Variants in SLC30A5 observed in about 807,000 individuals in gnomAD.
SLC30A5 encodes proton-coupled zinc antiporter SLC30A5.
Under a neutral mutation model 79.6 loss-of-function variants are expected in SLC30A5, and 33 were observed. The observed-to-expected ratio is 0.41, with a 90% CI of 0.31 to 0.55. SLC30A5 has a LOEUF of 0.55. Among genes scored for constraint, SLC30A5 ranks in the 20% least tolerant of loss-of-function variants. The pLI is 0.20. For synonymous variants in SLC30A5, 299 were observed against 319.7 expected, an observed-to-expected ratio of 0.94 and a Z score of 0.69; for missense variants, 788 against 928.1, an observed-to-expected ratio of 0.85 and a Z score of 1.96.
chr5:69,118,318 T>C (rs1746437901), intron 11 of SLC30A5, 181 bp from the exon 12 acceptor site: 1 of 211,112 alleles, frequency 4.7e-6, no homozygotes, highest in East Asian at 1.3e-4. Flanking sequence ...TGTGTATATA[T>C]ATATATGTAT....
Position 69,094,354 on chromosome 5 carries a change from G to C in SLC30A5, c.83+16G>C. 8.0e-7 allele frequency: 1 copy of C among 1,245,606 alleles called. No homozygotes were observed. Among genetic ancestry groups the C allele is most frequent in the Non-Finnish European group, 1.0e-6 (1 of 987,832 alleles). 77.2% of individuals were successfully genotyped at this position (1,245,606 alleles called of 1,614,324 possible). A position where few individuals can be genotyped will look rare whatever the true frequency, so the allele number is the denominator to read the frequency against. On this transcript the variant is annotated intron_variant, in intron 1 of 15. Coordinates refer to ENST00000396591, the MANE Select transcript of SLC30A5 (RefSeq NM_022902.5). Reference sequence around the variant, plus strand: ...CCAGCGCTCGGTAAGGGACCGATCCGGAAGGCAGCGACCGGCCGGGTCGCT... The same window carrying C: ...CCAGCGCTCGGTAAGGGACCGATCCCGAAGGCAGCGACCGGCCGGGTCGCT...
Position 69,123,252 on chromosome 5 carries a change from T to C in SLC30A5, c.1825T>C (p.Ser609Pro). 1 of 1,613,950 alleles carries C rather than the reference T, an allele frequency of 6.2e-7. No homozygotes were observed. The highest frequency in any genetic ancestry group is 8.5e-7 in the Non-Finnish European group (1 of 1,179,940). The change falls in exon 14 of 16, where the codon TCC (serine) becomes CCC (proline). Residue 609 changes from serine (S) to proline (P), a missense_variant. Ser to Pro is a moderately conservative substitution (Grantham distance 74). Coordinates refer to ENST00000396591, the MANE Select transcript of SLC30A5 (RefSeq NM_022902.5). ...DTLGSIGVIV[S>P]TVLIEQFGWF... ...ACTTGGCAGCATTGGTGTGATCGTA[T>C]CCACAGTTCTTATAGAGCAGTTTGG...
At chr5:69,129,037 C>A (rs972184795) in intron 15 of SLC30A5, among the ~76,000 whole-genome samples, 4 of 152,122 alleles carry the variant, frequency 2.6e-5, no homozygotes, top group African/African-American at 9.7e-5. Flanking sequence ...CTATGTTGCC[C>A]AGGCTGGTCT....
chr5:69,115,600 T>C (rs1400676331), intron 8 of SLC30A5, among the ~76,000 whole-genome samples, 193 bp downstream of exon 8: 2 of 152,212 alleles, frequency 1.3e-5, no homozygotes, highest in African/African-American at 2.4e-5. Flanking sequence ...AAAATACAAA[T>C]CAAATGCTAT....
At chr5:69,108,486 C>T (rs371826675) in intron 5 of SLC30A5, 50 bp downstream of exon 5, 36 of 1,257,984 alleles carry the variant, frequency 2.9e-5, no homozygotes, top group South Asian at 1.7e-4. Flanking sequence ...ATGTATGTCA[C>T]ATATTATCCA....
chr5:69,128,568 C>T (rs1030510210), intron 15 of SLC30A5, among the ~76,000 whole-genome samples: 1 of 151,958 alleles, frequency 6.6e-6, no homozygotes, highest in African/African-American at 2.4e-5. Context: ...GCCTAATCTT[C>T]CAAATCTGTA....
At chr5:69,109,805 GC>G (rs765316927) in intron 5 of SLC30A5, among the ~76,000 whole-genome samples, 106 of 152,148 alleles carry the variant, frequency 7.0e-4, no homozygotes, top group Non-Finnish European at 1.0e-3. Context: ...ACACTTCCTT[GC>G]TGGGTCCTAC....
chr5:69,115,868 T>C, intron 8 of SLC30A5, 58 bp from the exon 9 acceptor site: 1 of 1,372,454 alleles, frequency 7.3e-7, no homozygotes, highest in African/African-American at 1.5e-5. Context: ...AGAAACATCT[T>C]GTAAGATGTG....
At chr5:69,096,179 G>T (rs748890677) in intron 1 of SLC30A5, among the ~76,000 whole-genome samples, 1 of 152,198 alleles carries the variant, frequency 6.6e-6, no homozygotes, top group African/African-American at 2.4e-5. Flanking sequence ...GAAGCATGAA[G>T]TATGTAACTT....
intron 2 of SLC30A5, 122 bp from the exon 3 acceptor site, chr5:69,102,940 T>G (rs542904874): frequency 2.1e-6 from 1 of 481,520 alleles, no homozygotes; most frequent in South Asian, 4.5e-5. Context: ...CCAGTATGAT[T>G]TATTCAGAGG....
rs1236943538 is a variant in SLC30A5, at chr5:69,094,033, C to T, written c.-223C>T. Reference sequence around the variant, plus strand: ...GGCAACGTCCCTACCGCCGCTGCTTCCCGGGAACCTGGCGCCGCCGGAACT... The same window carrying T: ...GGCAACGTCCCTACCGCCGCTGCTTTCCGGGAACCTGGCGCCGCCGGAACT... On this transcript the variant is annotated 5_prime_UTR_variant, in exon 1 of 16. Transcript: ENST00000396591. 3 of 391,446 alleles carry T rather than the reference C, an allele frequency of 7.7e-6. No individual in the cohort carries two copies. The highest frequency in any genetic ancestry group is 4.5e-5 in the Admixed American group (1 of 22,464). 24.2% of individuals were successfully genotyped at this position (391,446 alleles called of 1,614,324 possible).
intron 5 of SLC30A5, among the ~76,000 whole-genome samples, chr5:69,111,609 T>C (rs989241494): frequency 3.3e-5 from 5 of 152,198 alleles, no homozygotes; most frequent in Non-Finnish European, 5.9e-5. Flanking sequence ...TGGCCTTTTT[T>C]TCTTAATTAT....
Position 69,100,927 on chromosome 5 carries a change from T to C in SLC30A5, c.204T>C (p.Leu68=). The C allele has an allele frequency of 1.4e-6, 2 of 1,466,542 alleles. No individual in the cohort carries two copies. Among genetic ancestry groups the C allele is most frequent in the Non-Finnish European group, 9.3e-7 (1 of 1,070,486 alleles). 90.8% of individuals were successfully genotyped at this position (1,466,542 alleles called of 1,614,324 possible). The change falls in exon 2 of 16, where the codon CTT becomes CTC. Residue 68 remains leucine (L), a splice_region_variant and synonymous_variant. Transcript: ENST00000396591. ...TTCAGTTCATTTTTATATTAAAACT[T>C]GGGTGAGTGTGGGGGGGGGTTTTTT... ...HIVQFIFILK[L]GTAFFMVLFQ... is the part of the protein sequence containing the mutation.
At position 69,094,244 on chromosome 5, in the gene SLC30A5, G is replaced by A; in HGVS notation, c.-12G>A. On this transcript the variant is annotated 5_prime_UTR_variant, in exon 1 of 16. It adds an upstream start codon to the 5' untranslated region. Transcript: ENST00000396591. The stretch of plus-strand genomic sequence containing the variant: ...GCGACAGGGGCAGCGGCGGCGGCTC[G>A]TGAGCCCCGGGATGGAGGAGAAATA... The A allele has an allele frequency of 1.6e-6, 2 of 1,221,818 alleles. No individual in the cohort carries two copies. The allele number at this position is 1,221,818 out of a possible 1,614,324, so 75.7% of individuals were successfully genotyped here.
rs1275152280 is a variant in SLC30A5, at chr5:69,103,139, T to A, written c.273+11T>A. 1 of 1,525,720 alleles carries A rather than the reference T, an allele frequency of 6.6e-7. No individual in the cohort carries two copies. The allele number at this position is 1,525,720 out of a possible 1,614,324, so 94.5% of individuals were successfully genotyped here. On this transcript the variant is annotated intron_variant, in intron 3 of 15. Transcript: ENST00000396591. The stretch of plus-strand genomic sequence containing the variant: ...ATTACCAAACACCAGGTAAGATTTT[T>A]GCAGAATCTTTTATTCCTAGCAGCT...
Position 69,094,091 on chromosome 5 carries a change from GTGAGC to G in SLC30A5, c.-164_-160del. The stretch of plus-strand genomic sequence containing the variant: ...GCCTAGTCCCGACGCGTGTGTGCTA[GTGAGC>G]CGGAGCCGGCGACGGCGGCAGTGGC... On this transcript the variant is annotated 5_prime_UTR_variant, in exon 1 of 16. Transcript: ENST00000396591. 1 of 408,600 alleles carries G rather than the reference GTGAGC, an allele frequency of 2.4e-6. No homozygotes were observed. The highest frequency in any genetic ancestry group is 4.4e-6 in the Non-Finnish European group (1 of 229,776). The allele number at this position is 408,600 out of a possible 1,614,324, so 25.3% of individuals were successfully genotyped here.
At chr5:69,097,987 GGGAGA>G (rs1189410746) in intron 1 of SLC30A5, among the ~76,000 whole-genome samples, 2 of 152,108 alleles carry the variant, frequency 1.3e-5, no homozygotes, top group Admixed American at 1.3e-4. Flanking sequence ...ACGTGGAGAC[GGGAGA>G]GGAGAGGAGA....
intron 14 of SLC30A5, 117 bp from the exon 15 acceptor site, chr5:69,127,887 C>A: frequency 3.6e-6 from 3 of 830,536 alleles, no homozygotes; most frequent in Non-Finnish European, 3.8e-6. Context: ...TTTTAAAGAG[C>A]TTAATAGTGA....
chr5:69,118,700 T>C, intron 12 of SLC30A5, 72 bp downstream of exon 12: 2 of 1,329,736 alleles, frequency 1.5e-6, no homozygotes, highest in South Asian at 1.6e-5. Context: ...AAAGTTTAAT[T>C]GTTTGCAGTT....
Sources: gnomAD v4.1 joint callset for allele counts (sites outside exome capture counted in the v4.1 genomes callset) on GRCh38, gnomAD v4.1.1 for gene constraint, MANE v1.5 for transcripts, NCBI Gene and HGNC (gene_info 2026-07-23, HGNC 2026-07-21) for gene names.